The following DNAAF1 variants were observed in gnomAD, a reference collection of about 807,000 sequenced individuals.
DNAAF1 encodes the protein dynein axonemal assembly factor 1, also known as dynein assembly factor 1, axonemal.
In DNAAF1, 65 loss-of-function variants were observed where a neutral mutation model predicts 71.1. The ratio of observed to expected loss-of-function variants is 0.91; its 90% CI spans 0.75 to 1.12. DNAAF1 has a LOEUF of 1.12. Ranked by LOEUF, DNAAF1 falls within the 50% of genes most tolerant of loss-of-function variation. The pLI is 0.00. For missense variants in DNAAF1, 1,178 were observed against 899.8 expected (o/e 1.31, Z -3.96); for synonymous variants, 414 against 354.6 (o/e 1.17, Z -1.88).
At chr16:84,166,084 C>T (rs894225206) in intron 7 of DNAAF1, 135 bp downstream of exon 7, 12 of 1,268,260 alleles carry the variant, frequency 9.5e-6, no homozygotes, top group Non-Finnish European at 1.2e-5. Context: ...CTTGCTCTGT[C>T]ACTGAGGTTG....
At chr16:84,155,828 T>C (rs1350673291) in intron 5 of DNAAF1, 79 bp downstream of exon 5, 5 of 1,541,786 alleles carry the variant, frequency 3.2e-6, no homozygotes, top group Admixed American at 1.8e-5. Context: ...TCAAGTCCTT[T>C]TGTCTTTTCT....
intron 5 of DNAAF1, among the ~76,000 whole-genome samples, chr16:84,159,461 A>G (rs1342832812): frequency 6.6e-6 from 1 of 152,212 alleles, no homozygotes; most frequent in African/African-American, 2.4e-5. Context: ...GTTCATGTGG[A>G]AGAAAGGGCT....
chr16:84,149,709 A>T (rs962058169), intron 2 of DNAAF1, among the ~76,000 whole-genome samples: 1 of 138,054 alleles, frequency 7.2e-6, no homozygotes, highest in Non-Finnish European at 1.6e-5. Flanking sequence ...AAAAAAAAAA[A>T]CATACATTGC....
At chr16:84,175,741 C>T (rs1472646168) in intron 10 of DNAAF1, 192 bp from the exon 11 acceptor site, 4 of 658,920 alleles carry the variant, frequency 6.1e-6, no homozygotes, top group African/African-American at 3.6e-5. Context: ...AGGGCATAGA[C>T]ATGAGCTGTG....
In DNAAF1 at chr16:84,165,901, A is replaced by G; in HGVS notation, c.982A>G (p.Lys328Glu). Reference protein sequence around the residue: ...TDSIEALAMIKQRAEERKRQR... With the variant: ...TDSIEALAMIEQRAEERKRQR... ...CAGCATTGAAGCCTTGGCCATGATC[A>G]AGCAGCGGGCAGAGGAGAGGAAAAG... is the stretch of plus-strand genomic sequence containing the variant. Residue 328 changes from lysine (K) to glutamate (E), a missense_variant, in exon 7 of 12, where the codon AAG (lysine) becomes GAG (glutamate). Coordinates refer to ENST00000378553, the MANE Select transcript of DNAAF1 (RefSeq NM_178452.6). The G allele has an allele frequency of 6.2e-7, 1 of 1,613,660 alleles. No homozygotes were observed. Among genetic ancestry groups the G allele is most frequent in the Non-Finnish European group, 8.5e-7 (1 of 1,179,954 alleles).
At chr16:84,167,798 C>T (rs1233511199) in intron 7 of DNAAF1, among the ~76,000 whole-genome samples, 2 of 152,088 alleles carry the variant, frequency 1.3e-5, no homozygotes, top group South Asian at 2.1e-4. Flanking sequence ...GGTGGATCAC[C>T]TGAGGTAAGG....
intron 4 of DNAAF1, 149 bp from the exon 5 acceptor site, chr16:84,155,434 G>T (rs1176365779): frequency 1.1e-6 from 1 of 874,048 alleles, no homozygotes; most frequent in African/African-American, 1.6e-5. Context: ...TCACTGTGTT[G>T]CCCAGGCTGG....
chr16:84,160,721 T>C (rs2087661584), intron 6 of DNAAF1, among the ~76,000 whole-genome samples: 1 of 150,282 alleles, frequency 6.7e-6, no homozygotes, highest in South Asian at 2.1e-4. Flanking sequence ...GATCACGAGG[T>C]CAGGAGATCG....
chr16:84,157,854 T>A (rs2087513370), intron 5 of DNAAF1, among the ~76,000 whole-genome samples: 2 of 152,182 alleles, frequency 1.3e-5, no homozygotes, highest in African/African-American at 4.8e-5. Context: ...TCCCCCCGTT[T>A]GTTCGTTTTT....
chr16:84,145,522 G>T lies in DNAAF1; in HGVS notation c.82G>T (p.Ala28Ser). 1 of 1,557,148 alleles carries T rather than the reference G, an allele frequency of 6.4e-7. No individual in the cohort carries two copies. The highest frequency in any genetic ancestry group is 1.2e-5 in the South Asian group (1 of 84,546). Reference protein sequence around the residue: ...CAQEPGVEESAGDHGSAGRGG... With the variant: ...CAQEPGVEESSGDHGSAGRGG... ...GCAGGAGCCCGGCGTGGAGGAGTCT[G>T]CGGGTGACCACGGGAGCGCAGGCCG... Residue 28 changes from alanine to serine, a missense_variant, in exon 1 of 12, where the codon GCG becomes TCG. By Grantham distance (99) the Ala-to-Ser change is moderately conservative. Coordinates refer to ENST00000378553, the MANE Select transcript of DNAAF1 (RefSeq NM_178452.6).
At chr16:84,155,450 A>G (rs910937287) in intron 4 of DNAAF1, 133 bp from the exon 5 acceptor site, 3 of 1,065,452 alleles carry the variant, frequency 2.8e-6, no homozygotes, top group South Asian at 1.3e-5. Context: ...GCTGGTCTCA[A>G]ACCTCCTGGG....
In DNAAF1 at chr16:84,172,287, A is replaced by AG; in HGVS notation, c.1559dup (p.Val521CysfsTer7). 1 of 1,614,148 alleles carries AG rather than the reference A, an allele frequency of 6.2e-7. No individual in the cohort carries two copies. Among genetic ancestry groups the AG allele is most frequent in the Non-Finnish European group, 8.5e-7 (1 of 1,180,006 alleles). On this transcript the variant is annotated frameshift_variant, in exon 9 of 12. Transcript: ENST00000378553. LOFTEE classifies it high-confidence loss of function. Reference sequence around the variant, plus strand: ...CCGACTCCCCAGGCTGTGGCCACTGAGGGTGTATTCGTTACAGAACTTGAT... The same window carrying AG: ...CCGACTCCCCAGGCTGTGGCCACTGAGGGGTGTATTCGTTACAGAACTTGAT...
At chr16:84,166,031 T>C (rs2087963075) in intron 7 of DNAAF1, 82 bp downstream of exon 7, 2 of 1,485,524 alleles carry the variant, frequency 1.3e-6, no homozygotes, top group African/African-American at 2.9e-5. Flanking sequence ...GTCTTTAATC[T>C]TGGGAATTTT....
At chr16:84,162,636 C>T (rs1023784337) in intron 6 of DNAAF1, among the ~76,000 whole-genome samples, 2 of 151,828 alleles carry the variant, frequency 1.3e-5, no homozygotes, top group African/African-American at 4.8e-5. Context: ...CTGGCCAACA[C>T]GGTGAAACCT....
At chr16:84,159,241 A>T in intron 5 of DNAAF1, 1 of 1,069,650 alleles carries the variant, frequency 9.3e-7, no homozygotes, top group Non-Finnish European at 1.1e-6. Flanking sequence ...CCTTTCCCTT[A>T]GTCACTGCTG....
chr16:84,169,933 A>T lies in DNAAF1; in HGVS notation c.1105A>T (p.Arg369Ter). The part of the protein sequence containing the change: ...AEGKEEPPGD[R>*]ETRQKMELFV... ...AGGCAAGGAGGAGCCTCCCGGGGAC[A>T]GAGAAACAAGGCAGAAGATGGAGCT... Residue 369 changes from arginine to a stop codon, truncating the protein, a stop_gained, in exon 8 of 12, where the codon AGA becomes TGA. Coordinates refer to ENST00000378553, the MANE Select transcript of DNAAF1 (RefSeq NM_178452.6). LOFTEE classifies it high-confidence loss of function. 1 of 1,614,188 alleles carries T rather than the reference A, an allele frequency of 6.2e-7. No individual in the cohort carries two copies. Among genetic ancestry groups the T allele is most frequent in the Non-Finnish European group, 8.5e-7 (1 of 1,180,038 alleles).
Position 84,174,734 on chromosome 16 carries a change from T to C in DNAAF1, c.1698+12T>C, listed in dbSNP as rs1441378159. ...CTCTGGAAGACCAGGTTAAGGTCATTAGAAACCATTTTCCCACAGGCAGCT... is the reference window on the plus strand; with the variant it reads ...CTCTGGAAGACCAGGTTAAGGTCATCAGAAACCATTTTCCCACAGGCAGCT... On this transcript the variant is annotated intron_variant, in intron 10 of 11. Transcript: ENST00000378553. 5.0e-6 allele frequency: 8 copies of C among 1,614,206 alleles called. No homozygotes were observed. In the South Asian group the frequency reaches 8.8e-5, roughly 18 times the overall value.
intron 2 of DNAAF1, 61 bp from the exon 3 acceptor site, chr16:84,150,190 A>G (rs1456315233): frequency 3.1e-6 from 4 of 1,279,510 alleles, no homozygotes; most frequent in Non-Finnish European, 4.6e-6. Context: ...AAGAACTGTG[A>G]GAATATGTTT....
intron 5 of DNAAF1, among the ~76,000 whole-genome samples, chr16:84,157,367 AC>A (rs1271881191): frequency 6.6e-6 from 1 of 151,866 alleles, no homozygotes; most frequent in East Asian, 2.0e-4. Context: ...TACTAACAAT[AC>A]AAAAATTAGC....
Sources: gnomAD v4.1 joint callset for allele counts (sites outside exome capture counted in the v4.1 genomes callset) on GRCh38, gnomAD v4.1.1 for gene constraint, MANE v1.5 for transcripts, NCBI Gene and HGNC (gene_info 2026-07-23, HGNC 2026-07-21) for gene names.